KIAA1217: variants seen among roughly 807,000 people sequenced by gnomAD.
KIAA1217 encodes the protein KIAA1217, also known as sickle tail protein homolog.
Under a neutral mutation model 163.9 loss-of-function variants are expected in KIAA1217, and 88 were observed. The observed-to-expected ratio is 0.54, with a 90% CI of 0.45 to 0.64. The LOEUF (loss-of-function observed/expected upper bound fraction) is 0.64, where lower values mean the gene tolerates loss of function less well. Ranked by LOEUF, KIAA1217 falls within the 30% of genes least tolerant of loss-of-function variation. The probability of loss-of-function intolerance (pLI) is 0.00; values close to 1 mark genes in which losing one functional copy is unlikely to be tolerated. For missense variants in KIAA1217, 2,372 were observed against 2,475.0 expected, an observed-to-expected ratio of 0.96 and a Z score of 0.88; for synonymous variants, 903 against 923.1, an observed-to-expected ratio of 0.98 and a Z score of 0.39.
At chr10:23,881,449 C>G (rs976972071) in intron 1 of KIAA1217, among the ~76,000 whole-genome samples, 3 of 151,868 alleles carry the variant, frequency 2.0e-5, no homozygotes, top group East Asian at 1.9e-4. Context: ...TCTTTGCAAC[C>G]TCAGTAGTTT....
chr10:24,224,451 G>A (rs2070165160), intron 2 of KIAA1217, among the ~76,000 whole-genome samples: 1 of 151,698 alleles, frequency 6.6e-6, no homozygotes, highest in South Asian at 2.1e-4. Flanking sequence ...CCATTCTTGT[G>A]CCTCAAGCCT....
intron 2 of KIAA1217, among the ~76,000 whole-genome samples, chr10:24,324,134 A>G (rs979747826): frequency 6.6e-6 from 1 of 151,608 alleles, no homozygotes; most frequent in Non-Finnish European, 1.5e-5. Context: ...TAAACATGGT[A>G]ACATGTGCCT....
chr10:23,791,012 G>A (rs1835921206), intron 1 of KIAA1217, among the ~76,000 whole-genome samples: 1 of 152,074 alleles, frequency 6.6e-6, no homozygotes, highest in Non-Finnish European at 1.5e-5. Flanking sequence ...TGGGATTACA[G>A]GCATGAATAA....
chr10:24,433,543 T>TG (rs143560020), intron 4 of KIAA1217, among the ~76,000 whole-genome samples: 11,310 of 152,228 alleles, frequency 0.074, 609 homozygotes, highest in East Asian at 0.16. Flanking sequence ...GATTTTTGAA[T>TG]GCTACATCTG....
At position 24,063,268 on chromosome 10, in the gene KIAA1217, T is replaced by G. The variant is rs1415564353; in HGVS notation, c.-171+55894T>G. Among the ~76,000 whole-genome samples, 3 of 152,202 alleles carry G rather than the reference T, an allele frequency of 2.0e-5. No homozygotes were observed. In the South Asian group the frequency reaches 6.2e-4, roughly 32 times the overall value. On this transcript the variant is annotated intron_variant, in intron 2 of 18. Transcript: ENST00000376462. The stretch of plus-strand genomic sequence containing the variant: ...GGTTTTCTTCTAGGGTTTTTATGGT[T>G]TTAGGTCTAACATGTAAGTTTTTAA...
At position 24,546,354 on chromosome 10, in the gene KIAA1217, G is replaced by A; in HGVS notation, c.*30G>A. On this transcript the variant is annotated 3_prime_UTR_variant, in exon 21 of 21. Transcript: ENST00000376454. ...CAAATCCTATTAGGCACAAGTCGGA[G>A]TTACATTTAAAAAAAATTAACAGTC... The A allele has an allele frequency of 6.5e-7, 1 of 1,539,704 alleles. No individual in the cohort carries two copies. Among genetic ancestry groups the A allele is most frequent in the Non-Finnish European group, 8.7e-7 (1 of 1,145,654 alleles).
At chr10:23,762,591 C>T (rs1180105900) in intron 1 of KIAA1217, among the ~76,000 whole-genome samples, 2 of 152,046 alleles carry the variant, frequency 1.3e-5, no homozygotes, top group Non-Finnish European at 2.9e-5. Flanking sequence ...AAACTCTCAA[C>T]AAAATAGGTA....
chr10:24,162,395 A>C (rs924476310), intron 2 of KIAA1217, among the ~76,000 whole-genome samples: 2 of 152,168 alleles, frequency 1.3e-5, no homozygotes, highest in Non-Finnish European at 2.9e-5. Flanking sequence ...GCCGCCATGA[A>C]TCGTCCTTGA....
intron 2 of KIAA1217, among the ~76,000 whole-genome samples, chr10:24,366,002 G>A (rs777375172): frequency 4.6e-5 from 7 of 152,150 alleles, no homozygotes; most frequent in Non-Finnish European, 1.0e-4. Context: ...GTGTATATGC[G>A]TGTGCAGTAA....
chr10:24,140,667 T>A (rs1352164112), intron 2 of KIAA1217, among the ~76,000 whole-genome samples: 4 of 152,240 alleles, frequency 2.6e-5, no homozygotes, highest in African/African-American at 9.6e-5. Flanking sequence ...GAATCGTTTA[T>A]TTCTAGAATT....
intron 2 of KIAA1217, among the ~76,000 whole-genome samples, chr10:24,066,383 A>G (rs1210094203): frequency 1.3e-5 from 2 of 152,168 alleles, no homozygotes; most frequent in African/African-American, 2.4e-5. Flanking sequence ...AAAGTATTTT[A>G]TATCTCCTGC....
chr10:23,990,787 T>C (rs1212640228), intron 1 of KIAA1217, among the ~76,000 whole-genome samples: 1 of 152,126 alleles, frequency 6.6e-6, no homozygotes, highest in South Asian at 2.1e-4. Context: ...CTACAAAGGG[T>C]CCTAGTTAAA....
intron 1 of KIAA1217, among the ~76,000 whole-genome samples, chr10:23,887,351 C>T (rs1841224761): frequency 6.6e-6 from 1 of 151,838 alleles, no homozygotes; most frequent in African/African-American, 2.4e-5. Context: ...CTGTAAATCA[C>T]AGCCTTTGAA....
chr10:23,785,780 A>C (rs1835465774), intron 1 of KIAA1217, among the ~76,000 whole-genome samples: 1 of 152,162 alleles, frequency 6.6e-6, no homozygotes, highest in Admixed American at 6.6e-5. Flanking sequence ...AAATATATGT[A>C]GTAATTTGTT....
chr10:23,956,154 G>A (rs1375278880), intron 1 of KIAA1217, among the ~76,000 whole-genome samples: 1 of 152,092 alleles, frequency 6.6e-6, no homozygotes, highest in Non-Finnish European at 1.5e-5. Flanking sequence ...CTGCAACTTA[G>A]GAACACTCTC....
chr10:24,280,729 G>A (rs1401841290), intron 2 of KIAA1217, among the ~76,000 whole-genome samples: 1 of 150,082 alleles, frequency 6.7e-6, no homozygotes, highest in Non-Finnish European at 1.5e-5. Flanking sequence ...AGAATGCAGT[G>A]AACCTGGGAG....
intron 1 of KIAA1217, among the ~76,000 whole-genome samples, chr10:23,805,620 C>G (rs1021429168): frequency 6.6e-6 from 1 of 151,946 alleles, no homozygotes; most frequent in Non-Finnish European, 1.5e-5. Flanking sequence ...CAAATGAACC[C>G]CCATGACACA....
At chr10:23,897,751 T>G (rs1485748635) in intron 1 of KIAA1217, among the ~76,000 whole-genome samples, 1 of 152,044 alleles carries the variant, frequency 6.6e-6, no homozygotes, top group Non-Finnish European at 1.5e-5. Context: ...TTTTCTTCAC[T>G]GTTTCATATG....
chr10:23,934,364 A>ACCC (rs1843383324), intron 1 of KIAA1217, among the ~76,000 whole-genome samples: 6 of 147,982 alleles, frequency 4.1e-5, no homozygotes. Context: ...GGAACAACAC[A>ACCC]CACTAGGGCC....
Sources: allele counts gnomAD v4.1 joint callset (sites outside exome capture counted in the v4.1 genomes callset), GRCh38; gene constraint gnomAD v4.1.1; transcripts MANE v1.5; gene names NCBI Gene and HGNC (gene_info 2026-07-23, HGNC 2026-07-21).